TMC4: variants seen among roughly 807,000 people sequenced by gnomAD.
TMC4 encodes the protein voltage-gated chloride channel TMC4.
Under a neutral mutation model 82.0 loss-of-function variants are expected in TMC4, and 70 were observed. The observed-to-expected ratio is 0.85, with a 90% CI of 0.70 to 1.04. The LOEUF is 1.04. Ranked by LOEUF, TMC4 falls within the 50% of genes least tolerant of loss-of-function variation. The pLI is 0.00. For synonymous variants in TMC4, 446 were observed against 406.0 expected (o/e 1.10, Z -1.18); for missense variants, 879 against 899.0 (o/e 0.98, Z 0.28).
At chr19:54,168,061 C>T in intron 5 of TMC4, 110 bp downstream of exon 5, 1 of 1,328,204 alleles carries the variant, frequency 7.5e-7, no homozygotes, top group Non-Finnish European at 1.0e-6. Context: ...AAAACTCCGT[C>T]TCAAAAAAAA....
At chr19:54,171,202 T>G (rs1012361854) in intron 2 of TMC4, among the ~76,000 whole-genome samples, 1 of 152,036 alleles carries the variant, frequency 6.6e-6, no homozygotes, top group African/African-American at 2.4e-5. Flanking sequence ...TCTATCTCCC[T>G]GGTTCAAGCG....
rs2075626955 is a variant in TMC4 at position 54,163,718 on chromosome 19, TG to T, written c.1277+5del. 1 of 1,613,776 alleles carries T rather than the reference TG, an allele frequency of 6.2e-7. No homozygotes were observed. Among genetic ancestry groups the T allele is most frequent in the Non-Finnish European group, 8.5e-7 (1 of 1,179,974 alleles). On this transcript the variant is annotated splice_donor_5th_base_variant and intron_variant, in intron 8 of 14. Transcript: ENST00000619895. ...TCATTCCCAGCCATCCCCGTGAGGC[TG>T]GAACCTGAGCAGGATAAAAACGATC...
Position 54,169,660 on chromosome 19 carries a change from C to G in TMC4, c.294G>C (p.Arg98Ser). ...CCTGGTCCCTGCTGGCATTTCTTTG[C>G]CTGGGAGGGAAACAGGCAGAAAATG... is the stretch of plus-strand genomic sequence containing the variant. ...PWPMQARRAH[R>S]QRNASRDQVV... is the part of the protein sequence containing the mutation. The change falls in exon 3 of 15, where the codon AGG becomes AGC. Residue 98 changes from arginine to serine, a missense_variant and splice_region_variant. Arg to Ser is a moderately radical substitution (Grantham distance 110). Transcript: ENST00000619895. The G allele has an allele frequency of 6.2e-7, 1 of 1,613,040 alleles. No individual in the cohort carries two copies. The highest frequency in any genetic ancestry group is 8.5e-7 in the Non-Finnish European group (1 of 1,179,744).
chr19:54,170,390 A>G (rs2075855190), intron 2 of TMC4, among the ~76,000 whole-genome samples: 1 of 151,164 alleles, frequency 6.6e-6, no homozygotes, highest in South Asian at 2.1e-4. Context: ...GTGAGGAAAA[A>G]GGGGGTGTCA....
Position 54,171,938 on chromosome 19 carries a change from C to G in TMC4, c.225G>C (p.Gln75His). 6.2e-7 allele frequency: 1 copy of G among 1,613,726 alleles called. No homozygotes were observed. The highest frequency in any genetic ancestry group is 8.5e-7 in the Non-Finnish European group (1 of 1,179,800). The stretch of plus-strand genomic sequence containing the variant: ...AAGGGTGAGGGTCCTGCAGCTCTGT[C>G]TGGGTGACTTCTGTGAAGGCCTTTC... The part of the protein sequence containing the change: ...RSRKAFTEVT[Q>H]TELQDPHPSR... The change falls in exon 2 of 15, where the codon CAG (glutamine) becomes CAC (histidine). Residue 75 changes from glutamine to histidine, a missense_variant. Transcript: ENST00000619895.
rs771437267 is a variant in TMC4, at chr19:54,165,618, G to A, written c.798-52C>T. The A allele has an allele frequency of 4.0e-5, 63 of 1,561,466 alleles. 1 individual carries two copies. The South Asian group carries it at 6.5e-4, about 16-fold the overall frequency. On this transcript the variant is annotated intron_variant, in intron 5 of 14. Transcript: ENST00000619895. Reference sequence around the variant, plus strand: ...AAGTGAAAGGACAGCCAGGAACGGGGGTTATGGGGAGACCCCTCATATTGG... The same window carrying A: ...AAGTGAAAGGACAGCCAGGAACGGGAGTTATGGGGAGACCCCTCATATTGG...
Position 54,162,730 on chromosome 19 carries a change from A to G in TMC4, c.1445T>C (p.Leu482Pro), listed in dbSNP as rs373006578. 1.2e-6 allele frequency: 2 copies of G among 1,614,126 alleles called. No individual in the cohort carries two copies. Among genetic ancestry groups the G allele is most frequent in the Non-Finnish European group, 1.7e-6 (2 of 1,180,006 alleles). ...TVLGQEMYKL[L>P]LFDLLTVLAV... ...CAAGACAGTCAGCAGATCAAAGAGC[A>G]GAAGTTTGTACATTTCCTGGCCCAG... Residue 482 changes from leucine to proline, a missense_variant, in exon 10 of 15, where the codon CTG (leucine) becomes CCG (proline). Leu to Pro is a moderately conservative substitution (Grantham distance 98). Coordinates refer to ENST00000619895, the MANE Select transcript of TMC4 (RefSeq NM_144686.4).
chr19:54,170,181 A>G (rs772712373), intron 2 of TMC4, among the ~76,000 whole-genome samples: 1 of 152,142 alleles, frequency 6.6e-6, no homozygotes, highest in Non-Finnish European at 1.5e-5. Context: ...GTATGATTCT[A>G]TTTGCACAAC....
At chr19:54,172,495 C>T (rs1555828208) in intron 1 of TMC4, among the ~76,000 whole-genome samples, 1 of 149,170 alleles carries the variant, frequency 6.7e-6, no homozygotes, top group African/African-American at 2.5e-5. Context: ...AGAACAGGCC[C>T]CCGGCCCCTC....
At chr19:54,163,645 T>A in intron 8 of TMC4, 79 bp downstream of exon 8, 1 of 1,527,206 alleles carries the variant, frequency 6.5e-7, no homozygotes, top group Non-Finnish European at 9.1e-7. Context: ...AGGATTTCCG[T>A]GTCTTACCTG....
Position 54,168,866 on chromosome 19 carries a change from T to C in TMC4, c.443-186A>G, listed in dbSNP as rs1400335102. Among the ~76,000 whole-genome samples, 33 of 45,794 alleles carry C rather than the reference T, an allele frequency of 7.2e-4. 6 individuals are homozygous for C. Among genetic ancestry groups the C allele is most frequent in the South Asian group, 2.7e-3 (5 of 1,876 alleles). 30.0% of individuals were successfully genotyped at this position (45,794 alleles called of 152,430 possible). ...TCTTTTCTTTTCTTTTCTTTTCTTT[T>C]CTTTTCTTTTCTTTTCTTTTCTTTC... is the stretch of plus-strand genomic sequence containing the variant. On this transcript the variant is annotated intron_variant, in intron 3 of 14. Transcript: ENST00000619895.
intron 7 of TMC4, 96 bp from the exon 8 acceptor site, chr19:54,163,983 T>C (rs2075637229): frequency 3.0e-6 from 4 of 1,338,442 alleles, no homozygotes; most frequent in Admixed American, 2.5e-5. Flanking sequence ...TCTTCTTTTT[T>C]TTTTTTTTTG....
rs913184481 is a variant in TMC4, at chr19:54,168,160, G to A, written c.797+11C>T. 5 of 1,599,832 alleles carry A rather than the reference G, an allele frequency of 3.1e-6. No individual in the cohort carries two copies. Among genetic ancestry groups the A allele is most frequent in the South Asian group, 1.1e-5 (1 of 88,538 alleles). ...GTCCCGTCAGGGGTCAGGGGTGCAG[G>A]TGCCACTGACCGATGCAGGATGAGC... On this transcript the variant is annotated intron_variant, in intron 5 of 14. Transcript: ENST00000619895.
rs2075570426 is a variant in TMC4, at chr19:54,162,158, G to A, written c.1630C>T (p.Pro544Ser). ...TVVWVGSFFC[P>S]LLPLLNTVKF... Reference sequence around the variant, plus strand: ...ACCGTGTTAAGCAGGGGCAGTAAAGGGCAGAAAAAACTCCCCACCCAGACC... The same window carrying A: ...ACCGTGTTAAGCAGGGGCAGTAAAGAGCAGAAAAAACTCCCCACCCAGACC... Residue 544 changes from proline (P) to serine (S), a missense_variant, in exon 11 of 15, where the codon CCT becomes TCT. By Grantham distance (74) the Pro-to-Ser change is moderately conservative (BLOSUM62 -1). Transcript: ENST00000619895. The A allele has an allele frequency of 1.2e-6, 2 of 1,613,652 alleles. No homozygotes were observed. Among genetic ancestry groups the A allele is most frequent in the Admixed American group, 1.7e-5 (1 of 59,926 alleles).
chr19:54,162,000 G>T (rs1309473830), intron 11 of TMC4, 102 bp downstream of exon 11: 2 of 1,051,694 alleles, frequency 1.9e-6, no homozygotes, highest in African/African-American at 1.6e-5. Context: ...CCTCTCTCAG[G>T]ACCGAGTAAT....
intron 1 of TMC4, 118 bp from the exon 2 acceptor site, chr19:54,172,201 C>T (rs888410979): frequency 4.4e-6 from 3 of 685,034 alleles, no homozygotes; most frequent in African/African-American, 4.0e-5. Flanking sequence ...TCCAGGCCCC[C>T]GGCTCCTCCT....
At chr19:54,168,856 TCTTTTCTTTTC>T (rs2075788595) in intron 3 of TMC4, among the ~76,000 whole-genome samples, 176 bp from the exon 4 acceptor site, 1 of 43,442 alleles carries the variant, frequency 2.3e-5, no homozygotes, top group South Asian at 6.1e-4. Context: ...TCTTTTCTTT[TCTTTTCTTTTC>T]TTTTCTTTTC....
At chr19:54,163,943 A>C (rs936261458) in intron 7 of TMC4, 56 bp from the exon 8 acceptor site, 1 of 1,575,948 alleles carries the variant, frequency 6.3e-7, no homozygotes. Context: ...AGCCAAGCTT[A>C]AGGTCCTCCC....
intron 5 of TMC4, among the ~76,000 whole-genome samples, chr19:54,166,952 C>CAA (rs35524179): frequency 1.1e-4 from 15 of 139,228 alleles, no homozygotes; most frequent in South Asian, 2.3e-4. Flanking sequence ...GACTCCGTCT[C>CAA]AAAAAAAAAA....
Sources: gnomAD v4.1 joint callset for allele counts (sites outside exome capture counted in the v4.1 genomes callset) on GRCh38, gnomAD v4.1.1 for gene constraint, MANE v1.5 for transcripts, NCBI Gene and HGNC (gene_info 2026-07-23, HGNC 2026-07-21) for gene names.